GUCY1A2: variants seen among roughly 807,000 people sequenced by gnomAD.
GUCY1A2 encodes guanylate cyclase 1 soluble subunit alpha 2, also known as guanylate cyclase soluble subunit alpha-2.
Under a neutral mutation model 63.5 loss-of-function variants are expected in GUCY1A2, and 27 were observed. The ratio of observed to expected loss-of-function variants is 0.43; its 90% CI spans 0.31 to 0.59. The LOEUF is 0.59. Among genes scored for constraint, GUCY1A2 ranks in the 20% least tolerant of loss-of-function variants. The pLI, the probability that GUCY1A2 is intolerant of heterozygous loss-of-function variation, is 0.11. For synonymous variants in GUCY1A2, 364 were observed against 343.5 expected (o/e 1.06, Z -0.66); for missense variants, 768 against 913.3 (o/e 0.84, Z 2.05).
intron 1 of GUCY1A2, among the ~76,000 whole-genome samples, chr11:106,987,011 C>G (rs962695873): frequency 1.3e-5 from 2 of 152,052 alleles, no homozygotes; most frequent in Non-Finnish European, 2.9e-5. Flanking sequence ...CACCAAGATC[C>G]TAGAACCTAG....
At chr11:106,850,577 C>T (rs1565309600) in intron 4 of GUCY1A2, among the ~76,000 whole-genome samples, 1 of 151,720 alleles carries the variant, frequency 6.6e-6, no homozygotes, top group Non-Finnish European at 1.5e-5. Flanking sequence ...TTTTTTGGCA[C>T]CCACATATGT....
chr11:106,928,428 A>G (rs1860557413), intron 4 of GUCY1A2, among the ~76,000 whole-genome samples: 1 of 152,060 alleles, frequency 6.6e-6, no homozygotes, highest in East Asian at 1.9e-4. Flanking sequence ...TTTGGAATCA[A>G]CTTCCACTGC....
At chr11:106,854,766 G>A (rs537161147) in intron 4 of GUCY1A2, among the ~76,000 whole-genome samples, 1 of 152,234 alleles carries the variant, frequency 6.6e-6, no homozygotes, top group Admixed American at 6.5e-5. Flanking sequence ...CCTGTCCTCA[G>A]GCCCTATGAA....
intron 4 of GUCY1A2, among the ~76,000 whole-genome samples, chr11:106,850,679 C>T: frequency 6.6e-6 from 1 of 151,738 alleles, no homozygotes; most frequent in East Asian, 1.9e-4. Context: ...GCAAATGACA[C>T]GGATGCATTC....
intron 6 of GUCY1A2, among the ~76,000 whole-genome samples, chr11:106,773,765 T>C (rs1468314456): frequency 6.6e-6 from 1 of 152,226 alleles, no homozygotes. Flanking sequence ...ACTGACAAGG[T>C]TAACTAGATA....
chr11:106,775,686 G>A (rs1181369244), intron 6 of GUCY1A2, among the ~76,000 whole-genome samples: 1 of 147,964 alleles, frequency 6.8e-6, no homozygotes. Flanking sequence ...GCCATTTCCT[G>A]TGCCCGCCCC....
chr11:106,880,618 T>C (rs914793318), intron 4 of GUCY1A2, among the ~76,000 whole-genome samples: 5 of 152,070 alleles, frequency 3.3e-5, no homozygotes, highest in African/African-American at 1.2e-4. Context: ...TTATCCAAAC[T>C]TTCTTTCTTA....
chr11:106,769,062 A>G (rs112035168), intron 6 of GUCY1A2, among the ~76,000 whole-genome samples: 1,953 of 152,278 alleles, frequency 0.013, 26 homozygotes, highest in South Asian at 0.05. Context: ...GAAGCACACT[A>G]AAATTTCCCT....
Position 106,746,647 on chromosome 11 carries a change from G to A in GUCY1A2, c.1836+29792C>T, listed in dbSNP as rs545257398. Reference sequence around the variant, plus strand: ...AAAGGAGTTCACTCCTCTGGGGCTTGAAAAGTCACACCGAGACACCAAGTG... The same window carrying A: ...AAAGGAGTTCACTCCTCTGGGGCTTAAAAAGTCACACCGAGACACCAAGTG... On this transcript the variant is annotated intron_variant, in intron 6 of 7. Transcript: ENST00000526355. 30 of 1,562,884 alleles carry A rather than the reference G, an allele frequency of 1.9e-5. No homozygotes were observed. The East Asian group carries it at 4.3e-4, about 22-fold the overall frequency.
Position 106,871,578 on chromosome 11 carries a change from T to C in GUCY1A2, c.1207-61100A>G, listed in dbSNP as rs560466933. ...ATCTGTCTTTGTGTTTCTTCTCTTC[T>C]TACAAGGATACCAGTTATATTGTAT... is the stretch of plus-strand genomic sequence containing the variant. On this transcript the variant is annotated intron_variant, in intron 4 of 7. Coordinates refer to ENST00000526355, the MANE Select transcript of GUCY1A2 (RefSeq NM_000855.3). Among the ~76,000 whole-genome samples the C allele has an allele frequency of 2.6e-5, 4 of 152,250 alleles. No individual in the cohort carries two copies. The East Asian group carries it at 7.7e-4, about 29-fold the overall frequency.
chr11:106,790,200 G>A (rs766224422), intron 5 of GUCY1A2, among the ~76,000 whole-genome samples: 3 of 152,100 alleles, frequency 2.0e-5, no homozygotes, highest in Non-Finnish European at 4.4e-5. Context: ...AGCTGGCCCT[G>A]AAACCATGAT....
At chr11:106,808,626 TAAAAC>T (rs1045035218) in intron 5 of GUCY1A2, among the ~76,000 whole-genome samples, 6 of 141,434 alleles carry the variant, frequency 4.2e-5, no homozygotes, top group East Asian at 2.1e-4. Flanking sequence ...AACTTAGGGC[TAAAAC>T]AAAACAAAAC....
intron 6 of GUCY1A2, among the ~76,000 whole-genome samples, chr11:106,751,528 A>G (rs1457896864): frequency 6.6e-6 from 1 of 152,182 alleles, no homozygotes. Context: ...TCTGAGTAGT[A>G]CTGATGTGAA....
intron 6 of GUCY1A2, among the ~76,000 whole-genome samples, chr11:106,751,546 G>GT (rs1313745353): frequency 6.6e-6 from 1 of 152,102 alleles, no homozygotes; most frequent in Non-Finnish European, 1.5e-5. Context: ...GAATAGTACT[G>GT]TATCACATCC....
chr11:106,928,749 C>T (rs1232828515), intron 4 of GUCY1A2, among the ~76,000 whole-genome samples: 1 of 152,104 alleles, frequency 6.6e-6, no homozygotes, highest in Non-Finnish European at 1.5e-5. Flanking sequence ...TGTGACTATC[C>T]TGAATACTGT....
At chr11:106,709,221 G>A (rs1388636949) in intron 6 of GUCY1A2, among the ~76,000 whole-genome samples, 7 of 89,410 alleles carry the variant, frequency 7.8e-5, no homozygotes, top group Non-Finnish European at 1.1e-4. Context: ...ATTATATATA[G>A]TTATTAATAA....
In GUCY1A2 at chr11:106,685,394, TAATA is replaced by T. The variant is rs1474436167; in HGVS notation, c.*2151_*2154del. 1 of 217,034 alleles carries T rather than the reference TAATA, an allele frequency of 4.6e-6. No individual in the cohort carries two copies. The highest frequency in any genetic ancestry group is 6.9e-5 in the East Asian group (1 of 14,584). 13.4% of individuals were successfully genotyped at this position (217,034 alleles called of 1,614,324 possible). A position where few individuals can be genotyped will look rare whatever the true frequency, so the allele number is the denominator to read the frequency against. ...CCGTAGATATTCTTAAGTATGGAGATAATAAATATGTGTTTAGAGTAGTTGCTTA... is the reference window on the plus strand; with the variant it reads ...CCGTAGATATTCTTAAGTATGGAGATAATATGTGTTTAGAGTAGTTGCTTA... On this transcript the variant is annotated 3_prime_UTR_variant, in exon 8 of 8. Transcript: ENST00000526355.
chr11:106,913,737 CA>C (rs1031966521), intron 4 of GUCY1A2, among the ~76,000 whole-genome samples: 5 of 152,048 alleles, frequency 3.3e-5, no homozygotes, highest in African/African-American at 1.2e-4. Context: ...AATTTATAAG[CA>C]TGACTTGCTT....
At chr11:106,918,460 G>A (rs1030388247) in intron 4 of GUCY1A2, among the ~76,000 whole-genome samples, 6 of 145,020 alleles carry the variant, frequency 4.1e-5, no homozygotes, top group African/African-American at 7.4e-5. Context: ...CTTGTAAGGA[G>A]ACAACAGAAC....
Sources: gnomAD v4.1 joint callset for allele counts (sites outside exome capture counted in the v4.1 genomes callset) on GRCh38, gnomAD v4.1.1 for gene constraint, MANE v1.5 for transcripts, NCBI Gene and HGNC (gene_info 2026-07-23, HGNC 2026-07-21) for gene names.